The following ATRX variants were observed in gnomAD, a reference collection of about 807,000 sequenced individuals.
ATRX encodes the protein ATRX chromatin remodeler.
A neutral mutation model predicts 172.6 loss-of-function variants in ATRX; 12 were observed. That is an observed-to-expected ratio of 0.07 (90% CI 0.04 to 0.11). The LOEUF is 0.11. Ranked by LOEUF, ATRX falls within the 10% of genes least tolerant of loss-of-function variation. The pLI, the probability that ATRX is intolerant of heterozygous loss-of-function variation, is 1.00. For synonymous variants in ATRX, 674 were observed against 594.7 expected (o/e 1.13, Z -1.94); for missense variants, 1,368 against 1,767.4 (o/e 0.77, Z 4.05).
rs141061765 is a variant in ATRX, at chrX:77,568,736, A to G, written c.6326+5514T>C. ...GTATTAGCAAACAGAACCAAGTACT[A>G]TATAAAAAGAATTATCCTTACGATC... On this transcript the variant is annotated intron_variant, in intron 28 of 34. Coordinates refer to ENST00000373344, the MANE Select transcript of ATRX (RefSeq NM_000489.6). 4.7e-4 allele frequency among the ~76,000 whole-genome samples: 52 copies of G among 111,750 alleles called. No homozygotes were observed. The East Asian group carries it at 0.014, about 31-fold the overall frequency.
intron 1 of ATRX, among the ~76,000 whole-genome samples, chrX:77,760,723 C>G (rs1408593431): frequency 1.8e-5 from 2 of 111,748 alleles, no homozygotes; most frequent in Non-Finnish European, 3.8e-5. Context: ...TCAACTCTAT[C>G]TGTAATGTTT....
intron 30 of ATRX, among the ~76,000 whole-genome samples, chrX:77,545,754 G>T (rs1191332857): frequency 8.9e-6 from 1 of 111,839 alleles, no homozygotes; most frequent in African/African-American, 3.2e-5. Flanking sequence ...TATTTTTGAA[G>T]AACTAATGGA....
At chrX:77,606,681 G>A (rs182872338) in intron 22 of ATRX, among the ~76,000 whole-genome samples, 473 of 107,415 alleles carry the variant, frequency 4.4e-3, no homozygotes, top group Admixed American at 8.0e-3. Flanking sequence ...CCAGCACTTC[G>A]GGAGGCCGAA....
intron 1 of ATRX, among the ~76,000 whole-genome samples, chrX:77,752,129 T>C (rs782745263): frequency 5.4e-5 from 6 of 111,922 alleles, no homozygotes; most frequent in Non-Finnish European, 9.4e-5. Flanking sequence ...TGGAATGTTT[T>C]TCCATTTGTT....
At chrX:77,513,442 A>G (rs1030103032) in intron 34 of ATRX, among the ~76,000 whole-genome samples, 2 of 109,529 alleles carry the variant, frequency 1.8e-5, no homozygotes, top group Non-Finnish European at 3.8e-5. Flanking sequence ...AGATCTTCAG[A>G]GAGAAGGCAA....
At chrX:77,590,173 T>A (rs1483016606) in intron 26 of ATRX, among the ~76,000 whole-genome samples, 1 of 111,475 alleles carries the variant, frequency 9.0e-6, no homozygotes. Context: ...ATTTCATTAC[T>A]TACAAAGTTA....
chrX:77,785,197 C>T (rs1557207056), intron 1 of ATRX, among the ~76,000 whole-genome samples: 1 of 111,053 alleles, frequency 9.0e-6, no homozygotes, highest in African/African-American at 3.3e-5. Flanking sequence ...GCCCTTCATC[C>T]TTCATGGAAT....
intron 1 of ATRX, among the ~76,000 whole-genome samples, chrX:77,748,553 A>C (rs1392648422): frequency 8.9e-6 from 1 of 111,871 alleles, no homozygotes; most frequent in Non-Finnish European, 1.9e-5. Flanking sequence ...AGAAGATAAC[A>C]TTGAAACAGA....
At chrX:77,688,064 A>G in intron 7 of ATRX, among the ~76,000 whole-genome samples, 1 of 110,647 alleles carries the variant, frequency 9.0e-6, no homozygotes, top group East Asian at 2.8e-4. Context: ...CAGTCTCCCA[A>G]GTAGCTGGGA....
intron 28 of ATRX, among the ~76,000 whole-genome samples, chrX:77,566,248 C>A (rs1430241939): frequency 2.7e-5 from 3 of 111,282 alleles, no homozygotes; most frequent in African/African-American, 9.8e-5. Flanking sequence ...GAAAAATAAT[C>A]TTGAAAGAAG....
In ATRX at chrX:77,766,590, G is replaced by A. The variant is rs782291942; in HGVS notation, c.20+19392C>T. Among the ~76,000 whole-genome samples, 13 of 104,820 alleles carry A rather than the reference G, an allele frequency of 1.2e-4. No individual in the cohort carries two copies. In the East Asian group the frequency reaches 3.5e-3, roughly 28 times the overall value. The allele number at this position is 104,820 out of a possible 115,157, so 91.0% of individuals were successfully genotyped here. On this transcript the variant is annotated intron_variant, in intron 1 of 34. Transcript: ENST00000373344. Reference sequence around the variant, plus strand: ...CTCCTCACATCCCAGACGGGGCGGCGGGGCAGAGGCGCTCCCCACATCTCA... The same window carrying A: ...CTCCTCACATCCCAGACGGGGCGGCAGGGCAGAGGCGCTCCCCACATCTCA...
intron 10 of ATRX, among the ~76,000 whole-genome samples, chrX:77,666,875 G>T (rs2070269341): frequency 9.0e-6 from 1 of 111,642 alleles, no homozygotes; most frequent in African/African-American, 3.3e-5. Flanking sequence ...AAAAATTCAT[G>T]TATGTTTATT....
At chrX:77,646,522 CA>C (rs1473357271) in intron 15 of ATRX, among the ~76,000 whole-genome samples, 1 of 110,674 alleles carries the variant, frequency 9.0e-6, no homozygotes, top group South Asian at 3.7e-4. Context: ...AAAACTAAAA[CA>C]AAAAAAGAGA....
intron 22 of ATRX, among the ~76,000 whole-genome samples, chrX:77,608,224 T>C (rs1468873965): frequency 3.7e-5 from 4 of 108,768 alleles, no homozygotes; most frequent in African/African-American, 1.3e-4. Flanking sequence ...GAAAAATTAG[T>C]CCAGCACAGT....
intron 19 of ATRX, among the ~76,000 whole-genome samples, chrX:77,626,081 A>G (rs1276112483): frequency 1.5e-5 from 1 of 65,109 alleles, no homozygotes; most frequent in Non-Finnish European, 2.8e-5. Flanking sequence ...ATATATATAT[A>G]TATGATGGAA....
rs782637572 is a variant in ATRX at position 77,652,279 on chromosome X, T to C, written c.4392A>G (p.Glu1464=). Residue 1464 remains glutamate (E), a synonymous_variant, in exon 15 of 35, where the codon GAA becomes GAG. Transcript: ENST00000373344. The part of the protein sequence containing the change: ...EEEEEEEEEE[E]DENDDSKSPG... ...GAGACTTGGAATCATCATTTTCATC[T>C]TCCTCCTCCTCTTCCTCCTCCTCCT... The C allele has an allele frequency of 4.1e-6, 5 of 1,207,039 alleles. No homozygotes were observed. In the African/African-American group the frequency reaches 8.8e-5, roughly 21 times the overall value.
Position 77,507,726 on chromosome X carries a change from A to G in ATRX, c.*625T>C, listed in dbSNP as rs782167687. ...TATACAATGCTAAGATAACTGCAAG[A>G]CTTCTCCAACTTTTAGAGCAGTAGT... On this transcript the variant is annotated 3_prime_UTR_variant, in exon 35 of 35. Coordinates refer to ENST00000373344, the MANE Select transcript of ATRX (RefSeq NM_000489.6). 3.4e-5 allele frequency: 6 copies of G among 174,371 alleles called. No homozygotes were observed. Among genetic ancestry groups the G allele is most frequent in the African/African-American group, 5.9e-5 (2 of 33,995 alleles). The allele number at this position is 174,371 out of a possible 1,213,427, so 14.4% of individuals were successfully genotyped here.
Position 77,543,274 on chromosome X carries a change from T to A in ATRX, c.6699+14177A>T, listed in dbSNP as rs964601129. Among the ~76,000 whole-genome samples the A allele has an allele frequency of 2.7e-5, 3 of 111,970 alleles. No homozygotes were observed. The South Asian group carries it at 1.1e-3, about 42-fold the overall frequency. ...ACAATGAAATACCATCTCATGCCAG[T>A]TAGAATGGCGATCTTTAAAAAGTCA... On this transcript the variant is annotated intron_variant, in intron 30 of 34. Coordinates refer to ENST00000373344, the MANE Select transcript of ATRX (RefSeq NM_000489.6).
intron 19 of ATRX, among the ~76,000 whole-genome samples, chrX:77,631,846 T>A (rs1301306111): frequency 1.8e-5 from 2 of 112,095 alleles, no homozygotes; most frequent in Non-Finnish European, 3.8e-5. Flanking sequence ...AATAATAATG[T>A]GTCAATTTCT....
Sources: allele counts gnomAD v4.1 joint callset (sites outside exome capture counted in the v4.1 genomes callset), GRCh38; gene constraint gnomAD v4.1.1; transcripts MANE v1.5; gene names NCBI Gene and HGNC (gene_info 2026-07-23, HGNC 2026-07-21).